The following ASIC2 variants were observed in gnomAD, a reference collection of about 807,000 sequenced individuals.
ASIC2 encodes acid sensing ion channel subunit 2, also known as acid-sensing ion channel 2.
Under a neutral mutation model 57.3 loss-of-function variants are expected in ASIC2, and 25 were observed. The observed-to-expected ratio is 0.44, with a 90% CI of 0.32 to 0.61. ASIC2 has a LOEUF of 0.61. ASIC2 is among the 20% of genes least tolerant of loss of function. The pLI is 0.06. For synonymous variants in ASIC2, 319 were observed against 307.5 expected (o/e 1.04, Z -0.39); for missense variants, 641 against 738.1 (o/e 0.87, Z 1.52).
chr17:33,222,791 T>C (rs1288384172), intron 1 of ASIC2, among the ~76,000 whole-genome samples: 2 of 152,220 alleles, frequency 1.3e-5, no homozygotes, highest in Non-Finnish European at 2.9e-5. Context: ...TACTATTCAA[T>C]GAAACTACAG....
At chr17:33,155,232 G>C (rs1439705598) in intron 1 of ASIC2, among the ~76,000 whole-genome samples, 2 of 152,234 alleles carry the variant, frequency 1.3e-5, no homozygotes, top group African/African-American at 4.8e-5. Flanking sequence ...GCTGACCACG[G>C]CTGTTCCTGA....
chr17:34,090,480 G>A (rs1349501130), intron 1 of ASIC2, among the ~76,000 whole-genome samples: 1 of 152,018 alleles, frequency 6.6e-6, no homozygotes, highest in Non-Finnish European at 1.5e-5. Context: ...AGGGGGCTGG[G>A]GTTGGGGGTG....
At chr17:33,141,411 G>A (rs1469813754) in intron 1 of ASIC2, among the ~76,000 whole-genome samples, 1 of 152,210 alleles carries the variant, frequency 6.6e-6, no homozygotes, top group Non-Finnish European at 1.5e-5. Flanking sequence ...GGGGAAAACT[G>A]GGGAGAGGAA....
intron 1 of ASIC2, chr17:34,039,221 A>G: frequency 6.8e-6 from 11 of 1,613,914 alleles, no homozygotes; most frequent in Non-Finnish European, 9.3e-6. Flanking sequence ...TCTAGTGCAG[A>G]TATTTTTTCT....
chr17:33,622,723 T>C (rs1207177470), intron 1 of ASIC2, among the ~76,000 whole-genome samples: 1 of 152,240 alleles, frequency 6.6e-6, no homozygotes, highest in East Asian at 1.9e-4. Context: ...AAATGTCTAA[T>C]CAGGGCCTGG....
chr17:34,032,937 C>G (rs1216635001), intron 1 of ASIC2, among the ~76,000 whole-genome samples: 7 of 152,196 alleles, frequency 4.6e-5, no homozygotes, highest in Non-Finnish European at 7.3e-5. Flanking sequence ...ACCCCACTGT[C>G]AACATTAGAC....
intron 1 of ASIC2, chr17:33,572,135 T>C (rs1916467456): frequency 6.6e-6 from 1 of 152,228 alleles, no homozygotes; most frequent in African/African-American, 2.4e-5. Context: ...GCATATATAT[T>C]AGCAGGATTT....
chr17:33,187,676 T>C (rs932666253), intron 1 of ASIC2, among the ~76,000 whole-genome samples: 1 of 152,104 alleles, frequency 6.6e-6, no homozygotes, highest in South Asian at 2.1e-4. Context: ...AGAATGGCTG[T>C]GGCTAGTGAC....
chr17:34,117,081 G>C (rs1567828122), intron 1 of ASIC2, among the ~76,000 whole-genome samples: 2 of 152,134 alleles, frequency 1.3e-5, no homozygotes, highest in Non-Finnish European at 2.9e-5. Flanking sequence ...CACACACACA[G>C]GTTACTGTCA....
At chr17:33,260,955 C>G (rs184399907) in intron 1 of ASIC2, among the ~76,000 whole-genome samples, 1 of 152,324 alleles carries the variant, frequency 6.6e-6, no homozygotes, top group Non-Finnish European at 1.5e-5. Context: ...TCTTCAGAAC[C>G]CTTTTAAGCC....
chr17:33,288,000 G>A lies in ASIC2; in HGVS notation c.708+3408C>T, dbSNP rs146540326. 1.6e-3 allele frequency among the ~76,000 whole-genome samples: 246 copies of A among 152,318 alleles called. 1 individual carries two copies. The highest frequency in any genetic ancestry group is 4.5e-3 in the Admixed American group (69 of 15,302). On this transcript the variant is annotated intron_variant, in intron 1 of 9. Transcript: ENST00000225823. ...CAGGCTACACAAGACAACAGGGAATGTTGGGGGTACCTGATGGAGGTATGC... is the reference window on the plus strand; with the variant it reads ...CAGGCTACACAAGACAACAGGGAATATTGGGGGTACCTGATGGAGGTATGC...
intron 1 of ASIC2, among the ~76,000 whole-genome samples, chr17:33,747,471 C>T (rs1156693176): frequency 6.6e-6 from 1 of 152,126 alleles, no homozygotes; most frequent in African/African-American, 2.4e-5. Flanking sequence ...GATCTGCCTG[C>T]CTCGGCCTCT....
At chr17:33,777,389 A>G (rs185490020) in intron 1 of ASIC2, among the ~76,000 whole-genome samples, 106 of 152,340 alleles carry the variant, frequency 7.0e-4, no homozygotes, top group Non-Finnish European at 9.7e-4. Flanking sequence ...TGATGAAGGC[A>G]GCCAGGAGTA....
At chr17:33,919,560 A>C (rs1290194846) in intron 1 of ASIC2, among the ~76,000 whole-genome samples, 1 of 152,222 alleles carries the variant, frequency 6.6e-6, no homozygotes, top group Non-Finnish European at 1.5e-5. Context: ...AAGCTATATA[A>C]AAAAAATCCT....
chr17:33,084,677 G>A (rs2092127790), intron 3 of ASIC2, among the ~76,000 whole-genome samples: 1 of 152,196 alleles, frequency 6.6e-6, no homozygotes, highest in Non-Finnish European at 1.5e-5. Flanking sequence ...TGCCTGGCAG[G>A]TAGCATGTGC....
chr17:34,012,490 G>C (rs952538173), intron 1 of ASIC2, among the ~76,000 whole-genome samples: 2 of 152,168 alleles, frequency 1.3e-5, no homozygotes, highest in Non-Finnish European at 2.9e-5. Context: ...TGGCCTCCCT[G>C]TGATTCTTGG....
chr17:33,434,133 T>A (rs4795788), intron 1 of ASIC2, among the ~76,000 whole-genome samples: 1 of 151,032 alleles, frequency 6.6e-6, no homozygotes, highest in Admixed American at 6.6e-5. Context: ...AATAAATAAA[T>A]AATAAATAAA....
chr17:33,748,052 G>C (rs773512055), intron 1 of ASIC2, among the ~76,000 whole-genome samples: 1 of 152,260 alleles, frequency 6.6e-6, no homozygotes, highest in African/African-American at 2.4e-5. Context: ...GCTTGCGAAG[G>C]TTAAGCGACT....
At chr17:33,682,304 A>G (rs1037747497) in intron 1 of ASIC2, among the ~76,000 whole-genome samples, 4 of 151,288 alleles carry the variant, frequency 2.6e-5, no homozygotes, top group Non-Finnish European at 5.9e-5. Flanking sequence ...TGACCTCGTG[A>G]TCAGCCCACC....
Sources: gnomAD v4.1 joint callset for allele counts (sites outside exome capture counted in the v4.1 genomes callset) on GRCh38, gnomAD v4.1.1 for gene constraint, MANE v1.5 for transcripts, NCBI Gene and HGNC (gene_info 2026-07-23, HGNC 2026-07-21) for gene names.